The following COBLL1 variants were observed in gnomAD, a reference collection of about 807,000 sequenced individuals.
COBLL1 encodes cordon-bleu protein-like 1.
Under a neutral mutation model 94.8 loss-of-function variants are expected in COBLL1, and 50 were observed. The observed-to-expected ratio is 0.53, with a 90% CI of 0.42 to 0.67. COBLL1 has a LOEUF of 0.67. Among genes scored for constraint, COBLL1 ranks in the 30% least tolerant of loss-of-function variants. The pLI, the probability that COBLL1 is intolerant of heterozygous loss-of-function variation, is 0.00. For missense variants in COBLL1, 1,362 were observed against 1,348.7 expected, an observed-to-expected ratio of 1.01 and a Z score of -0.15; for synonymous variants, 448 against 473.8, an observed-to-expected ratio of 0.95 and a Z score of 0.71.
At chr2:164,696,915 T>G (rs1424231138) in intron 11 of COBLL1, 1 of 152,182 alleles carries the variant, frequency 6.6e-6, no homozygotes, top group East Asian at 1.9e-4. Context: ...CAGCACAAGT[T>G]AAATGTGAGC....
At chr2:164,663,387 T>C (rs1055412343) in intron 2 of COBLL1, among the ~76,000 whole-genome samples, 11 of 152,182 alleles carry the variant, frequency 7.2e-5, no homozygotes, top group African/African-American at 2.4e-4. Flanking sequence ...TAAATTAGTT[T>C]AGCCACTGTG....
chr2:164,702,329 T>C (rs1024156052), intron 9 of COBLL1, among the ~76,000 whole-genome samples: 2 of 151,958 alleles, frequency 1.3e-5, no homozygotes, highest in South Asian at 2.1e-4. Context: ...TTTGGGAGGC[T>C]GAGGAGGGCG....
At chr2:164,782,063 T>A (rs1299898325) in intron 2 of COBLL1, among the ~76,000 whole-genome samples, 5 of 152,228 alleles carry the variant, frequency 3.3e-5, no homozygotes, top group Admixed American at 1.3e-4. Context: ...GGACATTTTT[T>A]ATCCAGCCAA....
chr2:164,713,067 T>C (rs1195157402), intron 7 of COBLL1, among the ~76,000 whole-genome samples: 4 of 152,118 alleles, frequency 2.6e-5, no homozygotes, highest in Non-Finnish European at 5.9e-5. Flanking sequence ...GTGGGGGAAG[T>C]TTATTTCTGA....
At chr2:164,841,991 C>T, upstream of COBLL1, 1 of 1,540,008 alleles carries the variant, frequency 6.5e-7, no homozygotes, top group Non-Finnish European at 8.7e-7. The surrounding 1 kb of genome is among the most constrained non-coding windows in gnomAD (Gnocchi z 5.5). Context: ...TCCGGGAGCT[C>T]GCCGCCGCCT....
intron 2 of COBLL1, among the ~76,000 whole-genome samples, chr2:164,799,517 T>C (rs901232777): frequency 1.3e-5 from 2 of 152,202 alleles, no homozygotes; most frequent in African/African-American, 4.8e-5. Context: ...CTCAGTACAG[T>C]GAAGATTCTT....
intron 11 of COBLL1, chr2:164,698,133 C>T (rs996013578): frequency 6.6e-6 from 1 of 151,960 alleles, no homozygotes; most frequent in African/African-American, 2.4e-5. Flanking sequence ...CAACAAAAGT[C>T]TTAACAAAAA....
At chr2:164,818,763 TGTAA>T (rs1685010561) in intron 2 of COBLL1, among the ~76,000 whole-genome samples, 1 of 140,352 alleles carries the variant, frequency 7.1e-6, no homozygotes, top group African/African-American at 2.8e-5. Flanking sequence ...TATGTACTTA[TGTAA>T]ACATATATAT....
At chr2:164,717,671 A>G (rs1028725103) in intron 7 of COBLL1, among the ~76,000 whole-genome samples, 1 of 152,160 alleles carries the variant, frequency 6.6e-6, no homozygotes, top group African/African-American at 2.4e-5. Context: ...CTCCCACCTC[A>G]GCCTCCTGAG....
intron 7 of COBLL1, among the ~76,000 whole-genome samples, chr2:164,720,431 G>T (rs1685386865): frequency 6.6e-6 from 1 of 152,100 alleles, no homozygotes; most frequent in Non-Finnish European, 1.5e-5. Flanking sequence ...CTCTTGGGGA[G>T]CCAAGTACAA....
chr2:164,663,839 G>C (rs1691107486), intron 2 of COBLL1, among the ~76,000 whole-genome samples: 1 of 152,042 alleles, frequency 6.6e-6, no homozygotes, highest in South Asian at 2.1e-4. Flanking sequence ...ACTTCCTATT[G>C]GGTACTATGT....
At chr2:164,799,198 T>C (rs1211456005) in intron 2 of COBLL1, among the ~76,000 whole-genome samples, 1 of 152,052 alleles carries the variant, frequency 6.6e-6, no homozygotes, top group Non-Finnish European at 1.5e-5. Context: ...TTGGACTCAA[T>C]GCAGCCTAAA....
chr2:164,715,803 AT>A (rs1685134386), intron 7 of COBLL1, among the ~76,000 whole-genome samples: 1 of 152,052 alleles, frequency 6.6e-6, no homozygotes, highest in South Asian at 2.1e-4. Flanking sequence ...ATGAGATAAA[AT>A]AAAATGCCCA....
At chr2:164,760,935 A>G (rs1687651437) in intron 2 of COBLL1, among the ~76,000 whole-genome samples, 1 of 152,200 alleles carries the variant, frequency 6.6e-6, no homozygotes, top group Admixed American at 6.5e-5. Flanking sequence ...CCGAACTAAA[A>G]TAAAGGCAAA....
chr2:164,771,358 G>C (rs1688194944), intron 2 of COBLL1, among the ~76,000 whole-genome samples: 3 of 151,838 alleles, frequency 2.0e-5, no homozygotes, highest in Admixed American at 2.0e-4. Context: ...ATATGTTGTT[G>C]TTTAAACAAC....
chr2:164,714,340 G>A (rs1221563747), intron 7 of COBLL1, among the ~76,000 whole-genome samples: 2 of 144,300 alleles, frequency 1.4e-5, no homozygotes, highest in African/African-American at 5.1e-5. Flanking sequence ...GCCCAATGAT[G>A]AGGGTCTAGC....
At chr2:164,838,648 A>G (rs1043107809) in intron 2 of COBLL1, among the ~76,000 whole-genome samples, 5 of 152,206 alleles carry the variant, frequency 3.3e-5, no homozygotes, top group African/African-American at 4.8e-5. Flanking sequence ...TGAGCTTCAG[A>G]TTCTCATTTA....
At chr2:164,771,436 C>A (rs1442614001) in intron 2 of COBLL1, among the ~76,000 whole-genome samples, 5 of 151,918 alleles carry the variant, frequency 3.3e-5, no homozygotes, top group African/African-American at 1.2e-4. Flanking sequence ...TCAGTTCAGG[C>A]ACTACAGCAT....
At chr2:164,803,689 T>C (rs1023168259) in intron 2 of COBLL1, among the ~76,000 whole-genome samples, 3 of 152,304 alleles carry the variant, frequency 2.0e-5, no homozygotes, top group Admixed American at 1.3e-4. Flanking sequence ...TTTTGTCAAC[T>C]AACATTGTAC....
Sources: allele counts gnomAD v4.1 joint callset (sites outside exome capture counted in the v4.1 genomes callset), GRCh38; gene constraint gnomAD v4.1.1; non-coding constraint Gnocchi (gnomAD v3.1); transcripts MANE v1.5; gene names NCBI Gene and HGNC (gene_info 2026-07-23, HGNC 2026-07-21).